The following TRAPPC3 variants were observed in gnomAD, a reference collection of about 807,000 sequenced individuals.
The protein encoded by TRAPPC3 is trafficking protein particle complex 3.
Under a neutral mutation model 18.2 loss-of-function variants are expected in TRAPPC3, and 5 were observed. The ratio of observed to expected loss-of-function variants is 0.28; its 90% CI spans 0.14 to 0.58. The LOEUF (loss-of-function observed/expected upper bound fraction) is 0.58. Ranked by LOEUF, TRAPPC3 falls within the 20% of genes least tolerant of loss-of-function variation. The pLI is 0.91. For synonymous variants in TRAPPC3, 65 were observed against 84.2 expected, an observed-to-expected ratio of 0.77 and a Z score of 1.25; for missense variants, 176 against 225.9, an observed-to-expected ratio of 0.78 and a Z score of 1.41.
intron 1 of TRAPPC3, among the ~76,000 whole-genome samples, chr1:36,146,803 T>C (rs1468698631): frequency 6.6e-6 from 1 of 152,176 alleles, no homozygotes; most frequent in Non-Finnish European, 1.5e-5. Context: ...TCACAGAGTA[T>C]GTGCTTCTCA....
At chr1:36,145,147 G>A (rs533811441) in intron 1 of TRAPPC3, among the ~76,000 whole-genome samples, 18 of 151,698 alleles carry the variant, frequency 1.2e-4, no homozygotes, top group South Asian at 2.1e-4. Context: ...TTGGCCTCCC[G>A]AGTAGCTGGG....
At chr1:36,153,185 C>T (rs1644284414), upstream of TRAPPC3, among the ~76,000 whole-genome samples, 1 of 152,188 alleles carries the variant, frequency 6.6e-6, no homozygotes, top group African/African-American at 2.4e-5. Flanking sequence ...ACCCTACTTG[C>T]TCCTTCTCTG....
upstream of TRAPPC3, among the ~76,000 whole-genome samples, chr1:36,153,095 CCA>C (rs1459044792): frequency 6.6e-6 from 1 of 152,212 alleles, no homozygotes; most frequent in Non-Finnish European, 1.5e-5. Context: ...CTGCCCTGGT[CCA>C]GAGGTCCCTG....
At chr1:36,139,997 T>C in intron 2 of TRAPPC3, 72 bp downstream of exon 2, 1 of 1,473,982 alleles carries the variant, frequency 6.8e-7, no homozygotes, top group Non-Finnish European at 9.2e-7. Flanking sequence ...TGTTTTAAGC[T>C]CTAAAGGACA....
At chr1:36,148,455 C>A (rs1233143573) in intron 1 of TRAPPC3, among the ~76,000 whole-genome samples, 3 of 152,124 alleles carry the variant, frequency 2.0e-5, no homozygotes, top group African/African-American at 7.2e-5. Flanking sequence ...ATCAGCCAGG[C>A]GTGGTGGTGG....
intron 4 of TRAPPC3, 197 bp from the exon 5 acceptor site, chr1:36,137,519 A>T: frequency 1.6e-6 from 1 of 640,166 alleles, no homozygotes; most frequent in Non-Finnish European, 2.7e-6. Flanking sequence ...TTAGCAAAGA[A>T]TACCCAAGAA....
intron 1 of TRAPPC3, among the ~76,000 whole-genome samples, chr1:36,155,236 A>G (rs1011944669): frequency 6.6e-6 from 1 of 152,054 alleles, no homozygotes; most frequent in South Asian, 2.1e-4. Context: ...ACCATCATCC[A>G]TCCACCTTCC....
At chr1:36,147,993 G>C (rs1570103131) in intron 1 of TRAPPC3, among the ~76,000 whole-genome samples, 2 of 152,160 alleles carry the variant, frequency 1.3e-5, no homozygotes, top group Admixed American at 6.5e-5. Flanking sequence ...CATAGGAAAA[G>C]GAGAAAGAAA....
chr1:36,153,666 A>G (rs576241895), upstream of TRAPPC3, among the ~76,000 whole-genome samples: 41 of 152,284 alleles, frequency 2.7e-4, no homozygotes, highest in African/African-American at 9.4e-4. Context: ...GGTAGCTGCC[A>G]TGTTTAGAGA....
upstream of TRAPPC3, among the ~76,000 whole-genome samples, chr1:36,152,103 T>C (rs901029577): frequency 1.3e-5 from 2 of 152,128 alleles, no homozygotes; most frequent in East Asian, 3.9e-4. Flanking sequence ...CTTCCTGCAG[T>C]AATTTGTGGG....
At chr1:36,152,464 T>C (rs1644278399), upstream of TRAPPC3, among the ~76,000 whole-genome samples, 1 of 151,720 alleles carries the variant, frequency 6.6e-6, no homozygotes, top group African/African-American at 2.4e-5. Context: ...TGTGCCACCA[T>C]GCCTGGCTAA....
chr1:36,149,564 A>G (rs1644252388), upstream of TRAPPC3: 2 of 680,434 alleles, frequency 2.9e-6, no homozygotes, highest in Non-Finnish European at 5.1e-6. Flanking sequence ...CTCCCGCCCA[A>G]CAAACGTCAG....
intron 1 of TRAPPC3, among the ~76,000 whole-genome samples, chr1:36,147,655 G>A (rs572307770): frequency 1.3e-5 from 2 of 152,208 alleles, no homozygotes; most frequent in African/African-American, 4.8e-5. Flanking sequence ...GTGCTATGAA[G>A]ACAACCAGCA....
chr1:36,150,336 A>G (rs1644259055), upstream of TRAPPC3, among the ~76,000 whole-genome samples: 1 of 152,272 alleles, frequency 6.6e-6, no homozygotes, highest in East Asian at 1.9e-4. Flanking sequence ...AACAGGCACC[A>G]GAAACACGAA....
upstream of TRAPPC3, among the ~76,000 whole-genome samples, chr1:36,153,760 CT>C (rs139055697): frequency 8.8e-3 from 1,334 of 152,278 alleles, 15 homozygotes; most frequent in African/African-American, 0.03. Flanking sequence ...TGAGAACCCC[CT>C]GATGTAGGCT....
At chr1:36,138,036 G>C in intron 3 of TRAPPC3, 58 bp from the exon 4 acceptor site, 1 of 1,609,546 alleles carries the variant, frequency 6.2e-7, no homozygotes, top group South Asian at 1.1e-5. Context: ...GTACCACAGG[G>C]AAGGTGACAG....
intron 1 of TRAPPC3, among the ~76,000 whole-genome samples, chr1:36,145,242 G>T (rs146076621): frequency 0.012 from 1,763 of 151,624 alleles, 14 homozygotes; most frequent in Non-Finnish European, 0.018. Flanking sequence ...TGTTAGCCAG[G>T]ATGGTCTCCA....
At chr1:36,150,017 C>A (rs753221549), upstream of TRAPPC3, among the ~76,000 whole-genome samples, 17 of 152,214 alleles carry the variant, frequency 1.1e-4, no homozygotes, top group Non-Finnish European at 2.1e-4. Context: ...ATGATGCCAG[C>A]ACCTGCCTTC....
chr1:36,151,793 C>T (rs1422255166), upstream of TRAPPC3, among the ~76,000 whole-genome samples: 1 of 152,192 alleles, frequency 6.6e-6, no homozygotes, highest in Non-Finnish European at 1.5e-5. Flanking sequence ...CAAGGGATAG[C>T]TTTCTGTTCC....
Sources: gnomAD v4.1 joint callset for allele counts (sites outside exome capture counted in the v4.1 genomes callset) on GRCh38, gnomAD v4.1.1 for gene constraint, MANE v1.5 for transcripts, NCBI Gene and HGNC (gene_info 2026-07-23, HGNC 2026-07-21) for gene names.